Variants in COTL1 observed in about 807,000 individuals in gnomAD.
The protein encoded by COTL1 is coactosin-like protein.
COTL1 carries 15 observed loss-of-function variants against 16.5 expected under a neutral mutation model. The observed-to-expected ratio is 0.91, with a 90% CI of 0.61 to 1.40. COTL1 has a LOEUF of 1.40. Among genes scored for constraint, COTL1 ranks in the 40% most tolerant of loss-of-function variants. The pLI is 0.00. For synonymous variants in COTL1, 112 were observed against 85.3 expected (o/e 1.31, Z -1.73); for missense variants, 220 against 201.5 (o/e 1.09, Z -0.56).
chr16:84,579,306 G>A (rs1904524958), intron 3 of COTL1, among the ~76,000 whole-genome samples: 2 of 152,214 alleles, frequency 1.3e-5, no homozygotes, highest in African/African-American at 4.8e-5. Flanking sequence ...CGACCAGTCT[G>A]GCCAACATGG....
chr16:84,578,827 A>G (rs955172480), intron 3 of COTL1, among the ~76,000 whole-genome samples: 1 of 152,132 alleles, frequency 6.6e-6, no homozygotes, highest in Non-Finnish European at 1.5e-5. Context: ...GTATACACAC[A>G]CAGGTGCATA....
intron 2 of COTL1, among the ~76,000 whole-genome samples, chr16:84,593,145 C>A (rs931195439): frequency 6.6e-6 from 1 of 152,244 alleles, no homozygotes; most frequent in African/African-American, 2.4e-5. Flanking sequence ...AGACTCTCAA[C>A]ACGAGGCCAG....
At chr16:84,609,267 C>T (rs181860317) in intron 2 of COTL1, among the ~76,000 whole-genome samples, 9 of 152,322 alleles carry the variant, frequency 5.9e-5, no homozygotes, top group Admixed American at 5.9e-4. Context: ...ATTCCAGCTC[C>T]CTTCTTTTGG....
Position 84,595,904 on chromosome 16 carries a change from GTGTA to G in COTL1, c.161-5646_161-5643del, listed in dbSNP as rs531451935. ...GTATGTGTGTTATATATACATGTAT[GTGTA>G]TGTGTGTGTTATATATATACATGTA... is the stretch of plus-strand genomic sequence containing the variant. On this transcript the variant is annotated intron_variant, in intron 2 of 3. Transcript: ENST00000262428. 3.7e-3 allele frequency: 556 copies of G among 151,866 alleles called. 3 individuals are homozygous for G. The highest frequency in any genetic ancestry group is 0.013 in the African/African-American group (526 of 41,454). The allele number at this position is 151,866 out of a possible 1,614,324, so 9.4% of individuals were successfully genotyped here.
intron 2 of COTL1, among the ~76,000 whole-genome samples, chr16:84,611,969 G>A: frequency 6.6e-6 from 1 of 152,020 alleles, no homozygotes; most frequent in East Asian, 1.9e-4. Flanking sequence ...ATTGCTCCAG[G>A]CTCCCAGTGG....
chr16:84,566,808 A>C lies in COTL1; in HGVS notation c.*37T>G. 1 of 1,433,624 alleles carries C rather than the reference A, an allele frequency of 7.0e-7. No homozygotes were observed. The highest frequency in any genetic ancestry group is 9.8e-7 in the Non-Finnish European group (1 of 1,017,018). 88.8% of individuals were successfully genotyped at this position (1,433,624 alleles called of 1,614,324 possible). On this transcript the variant is annotated 3_prime_UTR_variant, in exon 4 of 4. Coordinates refer to ENST00000262428, the MANE Select transcript of COTL1 (RefSeq NM_021149.5). ...GTCCTCTCCCCCGGGGAGCAGGCAGATGACTTTGGCAAGGGGTGGTGTGGC... is the reference window on the plus strand; with the variant it reads ...GTCCTCTCCCCCGGGGAGCAGGCAGCTGACTTTGGCAAGGGGTGGTGTGGC...
Position 84,615,383 on chromosome 16 carries a change from T to C in COTL1, c.160+2118A>G, listed in dbSNP as rs1905447107. Among the ~76,000 whole-genome samples the C allele has an allele frequency of 2.0e-5, 3 of 151,952 alleles. No individual in the cohort carries two copies. In the South Asian group the frequency reaches 6.2e-4, roughly 32 times the overall value. Reference sequence around the variant, plus strand: ...CAAGCCTGTGGGAGGAGGGAAGTGTTCTCCCACTACACCAGAGTGGGCTGA... The same window carrying C: ...CAAGCCTGTGGGAGGAGGGAAGTGTCCTCCCACTACACCAGAGTGGGCTGA... On this transcript the variant is annotated intron_variant, in intron 2 of 3. Transcript: ENST00000262428.
intron 2 of COTL1, among the ~76,000 whole-genome samples, chr16:84,599,825 T>C (rs1284256928): frequency 3.3e-5 from 5 of 152,174 alleles, no homozygotes; most frequent in African/African-American, 9.6e-5. Context: ...GGGAGCTCCC[T>C]GGAGCGAGGA....
chr16:84,595,129 A>G (rs1305461241), intron 2 of COTL1: 2 of 152,262 alleles, frequency 1.3e-5, no homozygotes, highest in African/African-American at 4.8e-5. Context: ...ATGTACAATA[A>G]GTAAGTTACA....
intron 1 of COTL1, 85 bp downstream of exon 1, chr16:84,617,753 C>G (rs1021332525): frequency 2.1e-6 from 3 of 1,430,958 alleles, no homozygotes; most frequent in Non-Finnish European, 2.9e-6. Flanking sequence ...AGGCCCGAAT[C>G]CGTCCCGCCT....
intron 3 of COTL1, among the ~76,000 whole-genome samples, chr16:84,579,990 C>T (rs148918336): frequency 2.6e-5 from 4 of 152,300 alleles, no homozygotes; most frequent in East Asian, 1.9e-4. Context: ...CACGGCACAG[C>T]GACTGTATAC....
chr16:84,575,727 C>G (rs996348755), intron 3 of COTL1: 4 of 152,208 alleles, frequency 2.6e-5, no homozygotes, highest in African/African-American at 9.7e-5. Context: ...AGGTCCAGGC[C>G]AAATACAAAC....
chr16:84,604,908 G>A (rs756718504), intron 2 of COTL1, among the ~76,000 whole-genome samples: 2 of 152,240 alleles, frequency 1.3e-5, no homozygotes, highest in Non-Finnish European at 2.9e-5. Flanking sequence ...CCAGAAACGG[G>A]GAGAAAAGTG....
At position 84,590,682 on chromosome 16, in the gene COTL1, C is replaced by G. The variant is rs1037592384; in HGVS notation, c.161-420G>C. 2.0e-5 allele frequency among the ~76,000 whole-genome samples: 3 copies of G among 151,512 alleles called. No individual in the cohort carries two copies. Among genetic ancestry groups the G allele is most frequent in the Non-Finnish European group, 4.4e-5 (3 of 67,880 alleles). Reference sequence around the variant, plus strand: ...GCCGCCAGCAGTGCCAGGGCCCAGCCAAAAAAAATTTAAAAATAAAAATTT... The same window carrying G: ...GCCGCCAGCAGTGCCAGGGCCCAGCGAAAAAAAATTTAAAAATAAAAATTT... On this transcript the variant is annotated intron_variant, in intron 2 of 3. Coordinates refer to ENST00000262428, the MANE Select transcript of COTL1 (RefSeq NM_021149.5). This position sits in a 1 kb window ranked among gnomAD's most constrained non-coding sequence, Gnocchi z 5.5.
At chr16:84,576,999 A>G (rs377315791) in intron 3 of COTL1, 64 of 152,394 alleles carry the variant, frequency 4.2e-4, no homozygotes, top group African/African-American at 1.5e-3. Flanking sequence ...CTGCTGAAGA[A>G]ATACAGCCAC....
At chr16:84,617,139 T>C (rs1905507829) in intron 2 of COTL1, among the ~76,000 whole-genome samples, 1 of 151,204 alleles carries the variant, frequency 6.6e-6, no homozygotes, top group South Asian at 2.1e-4. Flanking sequence ...AGCCTGTTCG[T>C]ATTTGGGCTC....
chr16:84,610,654 A>G (rs1419851171), intron 2 of COTL1, among the ~76,000 whole-genome samples: 5 of 152,192 alleles, frequency 3.3e-5, no homozygotes. Flanking sequence ...GCACTCTCAC[A>G]GGAACTACAT....
Position 84,566,814 on chromosome 16 carries a change from T to C in COTL1, c.*31A>G. Reference sequence around the variant, plus strand: ...TCCCCCGGGGAGCAGGCAGATGACTTTGGCAAGGGGTGGTGTGGCGGGGGC... The same window carrying C: ...TCCCCCGGGGAGCAGGCAGATGACTCTGGCAAGGGGTGGTGTGGCGGGGGC... On this transcript the variant is annotated 3_prime_UTR_variant, in exon 4 of 4. Coordinates refer to ENST00000262428, the MANE Select transcript of COTL1 (RefSeq NM_021149.5). The C allele has an allele frequency of 6.7e-7, 1 of 1,495,616 alleles. No individual in the cohort carries two copies. The highest frequency in any genetic ancestry group is 2.3e-5 in the East Asian group (1 of 44,184). The allele number at this position is 1,495,616 out of a possible 1,614,324, so 92.6% of individuals were successfully genotyped here.
chr16:84,580,393 C>G (rs779934030), intron 3 of COTL1, among the ~76,000 whole-genome samples: 1 of 152,132 alleles, frequency 6.6e-6, no homozygotes, highest in Non-Finnish European at 1.5e-5. Context: ...ACTACAGGTA[C>G]ATAACACCAT....
Sources: allele counts gnomAD v4.1 joint callset (sites outside exome capture counted in the v4.1 genomes callset), GRCh38; gene constraint gnomAD v4.1.1; non-coding constraint Gnocchi (gnomAD v3.1); transcripts MANE v1.5; gene names NCBI Gene and HGNC (gene_info 2026-07-23, HGNC 2026-07-21).